Variants in FNTB observed in about 807,000 individuals in gnomAD.
The protein encoded by FNTB is protein farnesyltransferase subunit beta.
Under a neutral mutation model 59.4 loss-of-function variants are expected in FNTB, and 27 were observed. The observed-to-expected ratio is 0.45, with a 90% CI of 0.34 to 0.63. The LOEUF (loss-of-function observed/expected upper bound fraction) is 0.63. FNTB is among the 20% of genes least tolerant of loss of function. FNTB has a pLI of 0.02. For missense variants in FNTB, 449 were observed against 559.6 expected (o/e 0.80, Z 1.99); for synonymous variants, 230 against 220.7 (o/e 1.04, Z -0.37).
chr14:65,052,708 C>T lies in FNTB; in HGVS notation c.956-530C>T, dbSNP rs555066478. ...ACTAGTAATGTTTCTTAGGTAAATT[C>T]TTTGAGCTGAGAGACAAGTTAGAGA... On this transcript the variant is annotated intron_variant, in intron 9 of 11. Coordinates refer to ENST00000246166, the MANE Select transcript of FNTB (RefSeq NM_002028.4). Among the ~76,000 whole-genome samples the T allele has an allele frequency of 1.1e-3, 168 of 152,302 alleles. 7 individuals carry two copies. In the South Asian group the frequency reaches 0.034, roughly 30 times the overall value.
chr14:65,019,196 G>A (rs2139540734), intron 4 of FNTB, among the ~76,000 whole-genome samples: 1 of 151,188 alleles, frequency 6.6e-6, no homozygotes. Flanking sequence ...AGAAAAAGAA[G>A]AACTTTCTGG....
Position 65,011,024 on chromosome 14 carries a change from CCCTT to C in FNTB, c.210-1292_210-1289del, listed in dbSNP as rs61476822. Among the ~76,000 whole-genome samples the C allele has an allele frequency of 0.1, 15,157 of 152,206 alleles. 994 individuals carry two copies. The highest frequency in any genetic ancestry group is 0.29 in the East Asian group (1,483 of 5,158). On this transcript the variant is annotated intron_variant, in intron 2 of 11. Coordinates refer to ENST00000246166, the MANE Select transcript of FNTB (RefSeq NM_002028.4). This position sits in a 1 kb window ranked among gnomAD's most constrained non-coding sequence, Gnocchi z 4.0. Reference sequence around the variant, plus strand: ...TTCCTTTCTTCATGAGATATCCCCTCCCTTTTGAGCCTCAGTAGTATGTTTTTCC... The same window carrying C: ...TTCCTTTCTTCATGAGATATCCCCTCTTGAGCCTCAGTAGTATGTTTTTCC...
At chr14:65,055,429 C>T (rs1238235398) in intron 11 of FNTB, among the ~76,000 whole-genome samples, 1 of 152,198 alleles carries the variant, frequency 6.6e-6, no homozygotes, top group African/African-American at 2.4e-5. Context: ...GTAAACATGG[C>T]CTGCTGCTAC....
chr14:65,021,037 C>G (rs60577293), intron 4 of FNTB, among the ~76,000 whole-genome samples: 1 of 152,212 alleles, frequency 6.6e-6, no homozygotes, highest in Admixed American at 6.5e-5. Flanking sequence ...GCCTAGCTTC[C>G]CTCTTTTAAG....
chr14:65,024,767 C>T (rs1000394120), intron 4 of FNTB, among the ~76,000 whole-genome samples: 3 of 151,916 alleles, frequency 2.0e-5, no homozygotes, highest in Non-Finnish European at 4.4e-5. Context: ...GTTTTTCTCC[C>T]CCTACATTTG....
chr14:65,004,142 T>C (rs2061547274), intron 1 of FNTB, 107 bp from the exon 2 acceptor site: 2 of 1,306,240 alleles, frequency 1.5e-6, no homozygotes, highest in Admixed American at 1.9e-5. Flanking sequence ...TTCCAGACCA[T>C]ACCAACCAAC....
intron 7 of FNTB, among the ~76,000 whole-genome samples, chr14:65,034,641 G>A (rs1333860362): frequency 6.6e-6 from 1 of 152,032 alleles, no homozygotes; most frequent in Non-Finnish European, 1.5e-5. Flanking sequence ...GCCTGTGTTT[G>A]GTTCTCTTTT....
chr14:64,993,213 G>A (rs1314526286), intron 1 of FNTB, among the ~76,000 whole-genome samples: 1 of 152,124 alleles, frequency 6.6e-6, no homozygotes, highest in Non-Finnish European at 1.5e-5. Context: ...TGGATAGCTT[G>A]AGCCCACAAA....
In FNTB at chr14:64,995,769, AC is replaced by A. The variant is rs1433533675; in HGVS notation, c.145-8479del. Among the ~76,000 whole-genome samples, 4 of 144,630 alleles carry A rather than the reference AC, an allele frequency of 2.8e-5. No individual in the cohort carries two copies. In the East Asian group the frequency reaches 8.8e-4, roughly 32 times the overall value. The allele number at this position is 144,630 out of a possible 152,430, so 94.9% of individuals were successfully genotyped here. On this transcript the variant is annotated intron_variant, in intron 1 of 11. Transcript: ENST00000246166. ...CATATAAGTGTATGTATGTATATGT[AC>A]GTATGTATGTATGTATGTATGTATA...
chr14:65,015,874 C>G (rs373018811), intron 4 of FNTB, among the ~76,000 whole-genome samples, 158 bp downstream of exon 4: 25 of 152,330 alleles, frequency 1.6e-4, no homozygotes, highest in African/African-American at 6.0e-4. Context: ...CCTGAAACTC[C>G]TCCACTTTAG....
chr14:65,049,186 G>GT (rs1159297039), intron 9 of FNTB, among the ~76,000 whole-genome samples: 9 of 150,494 alleles, frequency 6.0e-5, no homozygotes, highest in African/African-American at 2.0e-4. Flanking sequence ...GAGTTACTTT[G>GT]TTTTTTTGTT....
chr14:65,045,935 C>G (rs1248905523), intron 9 of FNTB, among the ~76,000 whole-genome samples: 1 of 152,192 alleles, frequency 6.6e-6, no homozygotes, highest in Admixed American at 6.5e-5. Flanking sequence ...CAGTCTCTGC[C>G]TTGACCACCA....
intron 8 of FNTB, among the ~76,000 whole-genome samples, chr14:65,042,454 G>C (rs924051602): frequency 1.3e-5 from 2 of 152,124 alleles, no homozygotes; most frequent in African/African-American, 4.8e-5. Context: ...TTCACAGTAG[G>C]GTTTGCGCTC....
At chr14:65,004,754 A>T (rs767867547) in intron 2 of FNTB, among the ~76,000 whole-genome samples, 1 of 151,564 alleles carries the variant, frequency 6.6e-6, no homozygotes, top group South Asian at 2.1e-4. Flanking sequence ...CCTTCGCCTC[A>T]TAGGTTCAAG....
At chr14:65,021,931 C>G (rs2061894595) in intron 4 of FNTB, 3 of 456,080 alleles carry the variant, frequency 6.6e-6, no homozygotes, top group Non-Finnish European at 1.3e-5. Flanking sequence ...TAGGCGTGAG[C>G]CACTGCGCCC....
chr14:65,005,577 T>A (rs1392216666), intron 2 of FNTB, among the ~76,000 whole-genome samples: 2 of 151,222 alleles, frequency 1.3e-5, no homozygotes, highest in Non-Finnish European at 2.9e-5. Context: ...TCTCTTTCTG[T>A]CTCTGTCTTT....
chr14:65,054,725 C>A lies in FNTB; in HGVS notation c.1182+36C>A, dbSNP rs768995398. On this transcript the variant is annotated intron_variant, in intron 11 of 11. Coordinates refer to ENST00000246166, the MANE Select transcript of FNTB (RefSeq NM_002028.4). This position sits in a 1 kb window ranked among gnomAD's most constrained non-coding sequence, Gnocchi z 4.4. ...TGCAGGGCTTCACACCCCTTCTCCA[C>A]AGGGACCTCGCGGACAGAAGGCTTT... 3 of 1,570,972 alleles carry A rather than the reference C, an allele frequency of 1.9e-6. No individual in the cohort carries two copies. Among genetic ancestry groups the A allele is most frequent in the South Asian group, 1.2e-5 (1 of 86,394 alleles).
rs1220610536 is a variant in FNTB at position 64,990,688 on chromosome 14, G to C, written c.144+3591G>C. Among the ~76,000 whole-genome samples the C allele has an allele frequency of 6.6e-6, 1 of 152,200 alleles. No individual in the cohort carries two copies. Among genetic ancestry groups the C allele is most frequent in the Non-Finnish European group, 1.5e-5 (1 of 68,038 alleles). ...CAGGACTTAGACTGATCCATGATCA[G>C]AGAGTTTTGAGCAGGGGAGTGACAC... On this transcript the variant is annotated intron_variant, in intron 1 of 11. Coordinates refer to ENST00000246166, the MANE Select transcript of FNTB (RefSeq NM_002028.4). The surrounding 1 kb of genome is among the most constrained non-coding windows in gnomAD (Gnocchi z 5.2).
chr14:65,029,692 C>T lies in FNTB; in HGVS notation c.605+1911C>T, dbSNP rs547361981. The stretch of plus-strand genomic sequence containing the variant: ...TGTGTTGCTCAAGAAAGGACAAGTT[C>T]AGTGTTGAAGTGTAGATGGCCTGGT... On this transcript the variant is annotated intron_variant, in intron 6 of 11. Coordinates refer to ENST00000246166, the MANE Select transcript of FNTB (RefSeq NM_002028.4). This position sits in a 1 kb window ranked among gnomAD's most constrained non-coding sequence, Gnocchi z 4.7. 3.9e-5 allele frequency among the ~76,000 whole-genome samples: 6 copies of T among 152,234 alleles called. No homozygotes were observed. The highest frequency in any genetic ancestry group is 1.4e-4 in the African/African-American group (6 of 41,544).
Sources: gnomAD v4.1 joint callset for allele counts (sites outside exome capture counted in the v4.1 genomes callset) on GRCh38, gnomAD v4.1.1 for gene constraint, Gnocchi (gnomAD v3.1) non-coding constraint, MANE v1.5 for transcripts, NCBI Gene and HGNC (gene_info 2026-07-23, HGNC 2026-07-21) for gene names.